The following GRID1 variants were observed in gnomAD, a reference collection of about 807,000 sequenced individuals.
GRID1 encodes glutamate receptor ionotropic, delta-1.
A neutral mutation model predicts 98.0 loss-of-function variants in GRID1; 28 were observed. The ratio of observed to expected loss-of-function variants is 0.29; its 90% confidence interval spans 0.21 to 0.39. GRID1 has a LOEUF of 0.39. Ranked by LOEUF, GRID1 falls within the 10% of genes least tolerant of loss-of-function variation. The pLI, the probability that GRID1 is intolerant of heterozygous loss-of-function variation, is 1.00. For missense variants in GRID1, 1,111 were observed against 1,340.5 expected (o/e 0.83, Z 2.67); for synonymous variants, 553 against 538.5 (o/e 1.03, Z -0.37).
At chr10:85,691,932 G>T (rs962545705) in intron 12 of GRID1, among the ~76,000 whole-genome samples, 1 of 151,934 alleles carries the variant, frequency 6.6e-6, no homozygotes, top group Non-Finnish European at 1.5e-5. Flanking sequence ...TGCAGTCGGG[G>T]TCCCACTGCA....
At chr10:85,787,820 G>A (rs1291433763) in intron 8 of GRID1, among the ~76,000 whole-genome samples, 2 of 152,064 alleles carry the variant, frequency 1.3e-5, no homozygotes, top group African/African-American at 4.8e-5. Flanking sequence ...TGACAGCCAG[G>A]GGCCCCCACA....
chr10:86,162,371 A>C (rs1189530568), intron 3 of GRID1, among the ~76,000 whole-genome samples: 11 of 152,062 alleles, frequency 7.2e-5, no homozygotes, highest in Non-Finnish European at 1.6e-4. Context: ...AGGGAACAGG[A>C]AGAAGAGCCA....
At chr10:85,982,647 A>G (rs142871569) in intron 4 of GRID1, among the ~76,000 whole-genome samples, 2 of 152,328 alleles carry the variant, frequency 1.3e-5, no homozygotes, top group Non-Finnish European at 2.9e-5. Flanking sequence ...GTCTTCCTCT[A>G]TACAGTGAGA....
At chr10:85,998,416 T>C (rs760381024) in intron 4 of GRID1, among the ~76,000 whole-genome samples, 1 of 151,936 alleles carries the variant, frequency 6.6e-6, no homozygotes, top group Non-Finnish European at 1.5e-5. Flanking sequence ...AAAGAAAAAT[T>C]AGAAAATATT....
intron 4 of GRID1, among the ~76,000 whole-genome samples, chr10:86,115,251 T>C (rs1844557078): frequency 6.6e-6 from 1 of 152,202 alleles, no homozygotes; most frequent in Non-Finnish European, 1.5e-5. Context: ...TGCATGCCAC[T>C]ACTTTCTTTT....
intron 8 of GRID1, among the ~76,000 whole-genome samples, chr10:85,754,948 T>C (rs1842081560): frequency 6.6e-6 from 1 of 152,196 alleles, no homozygotes; most frequent in Admixed American, 6.5e-5. Flanking sequence ...ATTTTTATCA[T>C]TGTTACAATT....
At chr10:85,641,193 G>T (rs1843112176) in intron 13 of GRID1, among the ~76,000 whole-genome samples, 1 of 152,132 alleles carries the variant, frequency 6.6e-6, no homozygotes, top group Admixed American at 6.5e-5. Flanking sequence ...GCTTGATGAA[G>T]TTGATCAAGC....
At chr10:86,171,177 A>G (rs528578711) in intron 3 of GRID1, among the ~76,000 whole-genome samples, 1 of 152,370 alleles carries the variant, frequency 6.6e-6, no homozygotes, top group East Asian at 1.9e-4. Context: ...CACTATGAAA[A>G]GCATGCTTTG....
intron 8 of GRID1, among the ~76,000 whole-genome samples, chr10:85,735,842 AAGGG>A (rs1402692404): frequency 3.4e-5 from 5 of 146,912 alleles, no homozygotes; most frequent in African/African-American, 1.0e-4. Context: ...GGAAAGAAGG[AAGGG>A]AGGAAGGAAG....
At chr10:85,896,346 A>C (rs927841971) in intron 5 of GRID1, among the ~76,000 whole-genome samples, 10 of 152,226 alleles carry the variant, frequency 6.6e-5, no homozygotes, top group Non-Finnish European at 1.3e-4. Flanking sequence ...TGTATCTTCC[A>C]TTAAGTTAGA....
At chr10:86,269,547 T>G in intron 2 of GRID1, among the ~76,000 whole-genome samples, 1 of 152,354 alleles carries the variant, frequency 6.6e-6, no homozygotes, top group Non-Finnish European at 1.5e-5. Context: ...CTCTGCACAC[T>G]GGCTGACATT....
chr10:85,752,754 C>G (rs1255613299), intron 8 of GRID1, among the ~76,000 whole-genome samples: 1 of 152,040 alleles, frequency 6.6e-6, no homozygotes, highest in Non-Finnish European at 1.5e-5. Context: ...AAGAAATGTC[C>G]ACTCATCCAT....
Position 85,599,802 on chromosome 10 carries a change from A to AAAAAAAAATATATATAT in GRID1, c.*2470_*2471insATATATATATTTTTTTT. The AAAAAAAAATATATATAT allele has an allele frequency of 1.5e-5, 1 of 65,000 alleles. No homozygotes were observed. The highest frequency in any genetic ancestry group is 4.2e-4 in the East Asian group (1 of 2,366). 4.0% of individuals were successfully genotyped at this position (65,000 alleles called of 1,614,324 possible). A position where few individuals can be genotyped will look rare whatever the true frequency, so the allele number is the denominator to read the frequency against. ...GTAGAAAATTCTAAAAAAAAAAAAA[A>AAAAAAAAATATATATAT]ATATATATATATATATATAAACATG... is the stretch of plus-strand genomic sequence containing the variant. On this transcript the variant is annotated 3_prime_UTR_variant, in exon 16 of 16. Transcript: ENST00000327946.
intron 2 of GRID1, among the ~76,000 whole-genome samples, chr10:86,329,580 C>G (rs1848107951): frequency 6.6e-6 from 1 of 152,152 alleles, no homozygotes. Flanking sequence ...ACCCAAATGA[C>G]CTTTCTGAAC....
rs187161932 is a variant in GRID1, at chr10:86,217,191, A to G, written c.236-10543T>C. Among the ~76,000 whole-genome samples, 77 of 152,256 alleles carry G rather than the reference A, an allele frequency of 5.1e-4. No homozygotes were observed. The East Asian group carries it at 0.012, about 23-fold the overall frequency. ...AAATCACAGGGGAGCCTGGGTTCAA[A>G]CCCTGAGCTGTCTCTGATCTCAAAG... On this transcript the variant is annotated intron_variant, in intron 2 of 15. Coordinates refer to ENST00000327946, the MANE Select transcript of GRID1 (RefSeq NM_017551.3).
intron 12 of GRID1, among the ~76,000 whole-genome samples, chr10:85,667,916 C>T (rs1194439522): frequency 6.6e-6 from 1 of 152,214 alleles, no homozygotes; most frequent in Non-Finnish European, 1.5e-5. Context: ...TCATGCTGAG[C>T]CAGTGCTCTC....
intron 4 of GRID1, among the ~76,000 whole-genome samples, chr10:86,117,079 A>C (rs1844594051): frequency 6.7e-6 from 1 of 148,616 alleles, no homozygotes; most frequent in African/African-American, 2.5e-5. Flanking sequence ...ACCAATAACA[A>C]CACCTTTACC....
intron 3 of GRID1, among the ~76,000 whole-genome samples, chr10:86,169,359 CCT>C (rs66687697): frequency 0.16 from 23,607 of 152,144 alleles, 2,573 homozygotes; most frequent in African/African-American, 0.3. Flanking sequence ...TAAATAAACC[CCT>C]GACTTGTAGC....
At chr10:85,844,269 G>A (rs1842986198) in intron 8 of GRID1, among the ~76,000 whole-genome samples, 1 of 151,996 alleles carries the variant, frequency 6.6e-6, no homozygotes, top group African/African-American at 2.4e-5. Context: ...CAGGAGGTAG[G>A]AACAAGAAGG....
Sources: allele counts gnomAD v4.1 joint callset (sites outside exome capture counted in the v4.1 genomes callset), GRCh38; gene constraint gnomAD v4.1.1; transcripts MANE v1.5; gene names NCBI Gene and HGNC (gene_info 2026-07-23, HGNC 2026-07-21).